The following MYT1L variants were observed in gnomAD, a reference collection of about 807,000 sequenced individuals.
MYT1L encodes the protein myelin transcription factor 1 like.
Under a neutral mutation model 126.7 loss-of-function variants are expected in MYT1L, and 12 were observed. That is an observed-to-expected ratio of 0.09 (90% CI 0.06 to 0.15). The LOEUF (loss-of-function observed/expected upper bound fraction) is 0.15. Ranked by LOEUF, MYT1L falls within the 10% of genes least tolerant of loss-of-function variation. The pLI is 1.00. For synonymous variants in MYT1L, 541 were observed against 604.2 expected (o/e 0.90, Z 1.53); for missense variants, 979 against 1,585.2 (o/e 0.62, Z 6.49).
intron 3 of MYT1L, among the ~76,000 whole-genome samples, chr2:2,172,484 G>T (rs566106090): frequency 1.3e-5 from 2 of 152,328 alleles, no homozygotes; most frequent in African/African-American, 2.4e-5. Context: ...GAGAGGATGC[G>T]CAATGCAACT....
At chr2:1,902,371 C>T (rs115863633) in intron 14 of MYT1L, among the ~76,000 whole-genome samples, 116 of 152,314 alleles carry the variant, frequency 7.6e-4, no homozygotes, top group African/African-American at 2.5e-3. Context: ...GACGAAGCTA[C>T]GGCTCTGCCG....
At chr2:1,894,177 G>A (rs961952620) in intron 14 of MYT1L, among the ~76,000 whole-genome samples, 1 of 152,240 alleles carries the variant, frequency 6.6e-6, no homozygotes, top group African/African-American at 2.4e-5. Flanking sequence ...AGCTGTCCCT[G>A]AGAAGCGTGT....
intron 2 of MYT1L, among the ~76,000 whole-genome samples, chr2:2,184,201 G>T (rs963384967): frequency 6.6e-6 from 1 of 152,044 alleles, no homozygotes; most frequent in Non-Finnish European, 1.5e-5. Context: ...TACCTAGAAG[G>T]AATCACTAAT....
intron 9 of MYT1L, among the ~76,000 whole-genome samples, chr2:1,933,212 CT>C (rs1259345061): frequency 6.6e-6 from 1 of 151,860 alleles, no homozygotes; most frequent in Non-Finnish European, 1.5e-5. Context: ...TGACAGGGCC[CT>C]TCTGCAGAGA....
At chr2:2,260,223 C>G (rs2094927625) in intron 2 of MYT1L, among the ~76,000 whole-genome samples, 1 of 152,218 alleles carries the variant, frequency 6.6e-6, no homozygotes, top group South Asian at 2.1e-4. Context: ...TATTGGCTAA[C>G]ACTGTCTGTG....
chr2:1,979,111 C>T lies in MYT1L; in HGVS notation c.152+54G>A. On this transcript the variant is annotated intron_variant, in intron 8 of 24. Coordinates refer to ENST00000647738, the MANE Select transcript of MYT1L (RefSeq NM_001303052.2). The surrounding 1 kb of genome is among the most constrained non-coding windows in gnomAD (Gnocchi z 4.0). ...CACAGTTCATCATCAGGACTGGGTC[C>T]CCAAATAAGTCACTTTAGACAGCAC... is the stretch of plus-strand genomic sequence containing the variant. 6.8e-7 allele frequency: 1 copy of T among 1,464,562 alleles called. No individual in the cohort carries two copies. The highest frequency in any genetic ancestry group is 9.5e-7 in the Non-Finnish European group (1 of 1,055,526). 90.7% of individuals were successfully genotyped at this position (1,464,562 alleles called of 1,614,324 possible). A position where few individuals can be genotyped will look rare whatever the true frequency, so the allele number is the denominator to read the frequency against.
intron 3 of MYT1L, among the ~76,000 whole-genome samples, chr2:2,127,605 G>A (rs993320316): frequency 6.6e-6 from 1 of 152,176 alleles, no homozygotes; most frequent in African/African-American, 2.4e-5. Context: ...ACTTGCACTA[G>A]CATCCCTTCG....
intron 8 of MYT1L, among the ~76,000 whole-genome samples, chr2:1,956,055 A>G (rs988383102): frequency 6.6e-6 from 1 of 152,108 alleles, no homozygotes; most frequent in Non-Finnish European, 1.5e-5. Context: ...CTATGTATCT[A>G]TCTATCTATC....
At chr2:2,305,543 G>A (rs1030123171) in intron 1 of MYT1L, among the ~76,000 whole-genome samples, 4 of 152,172 alleles carry the variant, frequency 2.6e-5, no homozygotes, top group African/African-American at 7.2e-5. Context: ...TAAGATCACT[G>A]TTGTAGAAAG....
intron 18 of MYT1L, among the ~76,000 whole-genome samples, chr2:1,866,685 C>CAGAGAGAGAGGGAGAGGGAGGG (rs2045573333): frequency 1.4e-4 from 4 of 27,660 alleles, no homozygotes; most frequent in Non-Finnish European, 1.8e-4. Flanking sequence ...GAGAGAGAGG[C>CAGAGAGAGAGGGAGAGGGAGGG]AGAGAGAGAG....
At chr2:2,210,461 C>T (rs1434288320) in intron 2 of MYT1L, among the ~76,000 whole-genome samples, 5 of 152,042 alleles carry the variant, frequency 3.3e-5, no homozygotes, top group African/African-American at 1.2e-4. Flanking sequence ...TCCAGTTTTC[C>T]CAGCACCATT....
chr2:2,308,799 C>A (rs1204337210), intron 1 of MYT1L, among the ~76,000 whole-genome samples: 1 of 151,800 alleles, frequency 6.6e-6, no homozygotes, highest in Admixed American at 6.6e-5. Flanking sequence ...CCTATTTCAC[C>A]TACACTTTAC....
intron 5 of MYT1L, among the ~76,000 whole-genome samples, chr2:1,984,637 G>A (rs936072712): frequency 5.3e-5 from 8 of 149,670 alleles, no homozygotes; most frequent in Non-Finnish European, 8.9e-5. Context: ...AGCCTCCCGA[G>A]TAGCTGGGAC....
chr2:2,312,183 C>T (rs2149611833), intron 1 of MYT1L, among the ~76,000 whole-genome samples: 1 of 152,318 alleles, frequency 6.6e-6, no homozygotes, highest in Middle Eastern at 3.4e-3. Context: ...CCATTCTGTT[C>T]CGCTTATGTT....
intron 8 of MYT1L, among the ~76,000 whole-genome samples, chr2:1,956,623 C>CTATCTATCTAT (rs1558534517): frequency 9.7e-5 from 10 of 103,388 alleles, no homozygotes; most frequent in African/African-American, 2.0e-4. Flanking sequence ...TATCTATCTA[C>CTATCTATCTAT]CTACCTACCT....
intron 1 of MYT1L, among the ~76,000 whole-genome samples, chr2:2,306,820 T>C (rs2095865269): frequency 6.6e-6 from 1 of 152,212 alleles, no homozygotes; most frequent in African/African-American, 2.4e-5. Context: ...GATAGGAATA[T>C]ACATCTATGA....
At chr2:1,821,158 A>C (rs1367449815) in intron 21 of MYT1L, among the ~76,000 whole-genome samples, 3 of 152,170 alleles carry the variant, frequency 2.0e-5, no homozygotes, top group Non-Finnish European at 4.4e-5. Context: ...GTGGCTACTC[A>C]ACGAGGCCTT....
intron 5 of MYT1L, among the ~76,000 whole-genome samples, chr2:1,990,447 C>T (rs144059307): frequency 6.6e-6 from 1 of 152,302 alleles, no homozygotes; most frequent in East Asian, 1.9e-4. Context: ...TACTCAAGCA[C>T]CAAGCTGTAA....
intron 3 of MYT1L, among the ~76,000 whole-genome samples, chr2:2,120,401 T>C (rs1333109590): frequency 6.6e-6 from 1 of 152,104 alleles, no homozygotes; most frequent in Non-Finnish European, 1.5e-5. Context: ...ACTTAACCTG[T>C]TTCAAAAATA....
Sources: allele counts gnomAD v4.1 joint callset (sites outside exome capture counted in the v4.1 genomes callset), GRCh38; gene constraint gnomAD v4.1.1; non-coding constraint Gnocchi (gnomAD v3.1); transcripts MANE v1.5; gene names NCBI Gene and HGNC (gene_info 2026-07-23, HGNC 2026-07-21).